The following AFDN variants were observed in gnomAD, a reference collection of about 807,000 sequenced individuals.
AFDN encodes the protein afadin.
AFDN carries 68 observed loss-of-function variants against 216.6 expected under a neutral mutation model. That is an observed-to-expected ratio of 0.31 (90% CI 0.26 to 0.38). The LOEUF is 0.38. AFDN is among the 10% of genes least tolerant of loss of function. The pLI is 1.00. For missense variants in AFDN, 2,136 were observed against 2,342.0 expected (o/e 0.91, Z 1.82); for synonymous variants, 868 against 853.7 (o/e 1.02, Z -0.29).
Position 167,948,473 on chromosome 6 carries a change from A to G in AFDN, c.3826A>G (p.Ile1276Val), listed in dbSNP as rs779058239. The G allele has an allele frequency of 1.3e-5, 21 of 1,613,360 alleles. No homozygotes were observed. Among genetic ancestry groups the G allele is most frequent in the Admixed American group, 3.3e-5 (2 of 59,964 alleles). ...HTDSNHSSIA[I>V]QRVTRSQEEL... Reference sequence around the variant, plus strand: ...AGATAGTAATCATTCCAGTATTGCAATTCAGGTTAGAAATCAAAGATTCCA... The same window carrying G: ...AGATAGTAATCATTCCAGTATTGCAGTTCAGGTTAGAAATCAAAGATTCCA... The change falls in exon 29 of 34, where the codon ATT becomes GTT. Residue 1276 changes from isoleucine (I) to valine (V), a missense_variant. Ile to Val is a conservative substitution (Grantham distance 29). Transcript: ENST00000683244.
Position 167,914,741 on chromosome 6 carries a change from T to C in AFDN, c.2299+3T>C. The C allele has an allele frequency of 6.3e-7, 1 of 1,594,400 alleles. No individual in the cohort carries two copies. The highest frequency in any genetic ancestry group is 8.6e-7 in the Non-Finnish European group (1 of 1,162,344). On this transcript the variant is annotated splice_donor_region_variant and intron_variant, in intron 18 of 33. Coordinates refer to ENST00000683244, the MANE Select transcript of AFDN (RefSeq NM_001386888.1). ...CAGTCTGCAACGACCAAAAATAGGTTAGGATGTTTTCTGACTGTCTCCCTC... is the reference window on the plus strand; with the variant it reads ...CAGTCTGCAACGACCAAAAATAGGTCAGGATGTTTTCTGACTGTCTCCCTC...
At chr6:167,881,828 A>G (rs1044278726) in intron 6 of AFDN, among the ~76,000 whole-genome samples, 1 of 152,224 alleles carries the variant, frequency 6.6e-6, no homozygotes, top group African/African-American at 2.4e-5. Flanking sequence ...TGGCTAGAAG[A>G]TTTATGGATC....
At chr6:167,870,295 T>C in intron 2 of AFDN, 91 bp from the exon 3 acceptor site, 3 of 732,806 alleles carry the variant, frequency 4.1e-6, no homozygotes, top group Non-Finnish European at 6.7e-6. Flanking sequence ...GCTTTGTCTA[T>C]AAAATTAAAT....
chr6:167,952,272 T>A, intron 30 of AFDN, 85 bp downstream of exon 30: 3 of 1,602,416 alleles, frequency 1.9e-6, no homozygotes, highest in Non-Finnish European at 2.6e-6. Flanking sequence ...GCTAGGCCCC[T>A]GATCGTGATA....
Position 167,969,777 on chromosome 6 carries a change from T to C in AFDN, c.5343-5T>C. ...AGTAATCTTTGATATTGCCCTCTTC[T>C]GCAGCCAAGATGCAGATTCACCTGG... On this transcript the variant is annotated splice_polypyrimidine_tract_variant and splice_region_variant and intron_variant, in intron 33 of 33. Coordinates refer to ENST00000683244, the MANE Select transcript of AFDN (RefSeq NM_001386888.1). The C allele has an allele frequency of 6.2e-7, 1 of 1,604,782 alleles. No homozygotes were observed. The highest frequency in any genetic ancestry group is 8.5e-7 in the Non-Finnish European group (1 of 1,177,684).
intron 30 of AFDN, among the ~76,000 whole-genome samples, chr6:167,952,800 C>T (rs1183273662): frequency 6.6e-6 from 1 of 152,234 alleles, no homozygotes; most frequent in African/African-American, 2.4e-5. Flanking sequence ...AGAATCTTCA[C>T]AGTAGTTGTA....
intron 12 of AFDN, among the ~76,000 whole-genome samples, chr6:167,903,909 C>T (rs1047500009): frequency 1.3e-5 from 2 of 152,186 alleles, no homozygotes; most frequent in Non-Finnish European, 2.9e-5. Flanking sequence ...GAGTTTTTAG[C>T]CAGGCCACAA....
chr6:167,856,814 C>CAT (rs1331185257), intron 1 of AFDN, among the ~76,000 whole-genome samples: 1 of 151,898 alleles, frequency 6.6e-6, no homozygotes, highest in Non-Finnish European at 1.5e-5. Context: ...GTTTTAGTGT[C>CAT]ATATATATAT....
At position 167,833,360 on chromosome 6, in the gene AFDN, A is replaced by G. The variant is rs566181733; in HGVS notation, c.105+6123A>G. On this transcript the variant is annotated intron_variant, in intron 1 of 33. Transcript: ENST00000683244. ...AGAATAGAAGAAAGGTTGACCCAAC[A>G]TTATGATCCGTGAAAAAAATGCTCA... Among the ~76,000 whole-genome samples the G allele has an allele frequency of 7.9e-5, 12 of 152,322 alleles. No individual in the cohort carries two copies. In the South Asian group the frequency reaches 2.5e-3, roughly 32 times the overall value.
chr6:167,928,377 A>T, intron 23 of AFDN, among the ~76,000 whole-genome samples: 1 of 152,214 alleles, frequency 6.6e-6, no homozygotes, highest in Non-Finnish European at 1.5e-5. Flanking sequence ...AGCCAGCTTG[A>T]AAGTCACACC....
At chr6:167,845,756 T>C (rs575649268) in intron 1 of AFDN, among the ~76,000 whole-genome samples, 3 of 152,222 alleles carry the variant, frequency 2.0e-5, no homozygotes, top group Admixed American at 6.5e-5. Flanking sequence ...TGAGCACTTA[T>C]TTTTTAAAAC....
chr6:167,875,006 T>C (rs1785192402), intron 4 of AFDN, among the ~76,000 whole-genome samples: 1 of 152,224 alleles, frequency 6.6e-6, no homozygotes, highest in Non-Finnish European at 1.5e-5. Context: ...TGGTAAAATA[T>C]TGGTCTGTTT....
rs377654668 is a variant in AFDN at position 167,948,493 on chromosome 6, A to T, written c.3831+15A>T. 2 of 1,609,772 alleles carry T rather than the reference A, an allele frequency of 1.2e-6. No homozygotes were observed. Among genetic ancestry groups the T allele is most frequent in the African/African-American group, 1.3e-5 (1 of 74,824 alleles). On this transcript the variant is annotated intron_variant, in intron 29 of 33. Transcript: ENST00000683244. The stretch of plus-strand genomic sequence containing the variant: ...TTGCAATTCAGGTTAGAAATCAAAG[A>T]TTCCACACACTTTTCTCACCTCTCA...
intron 1 of AFDN, among the ~76,000 whole-genome samples, chr6:167,842,228 A>T (rs970390676): frequency 6.6e-6 from 1 of 152,128 alleles, no homozygotes; most frequent in Non-Finnish European, 1.5e-5. Context: ...CTGTGGGACC[A>T]TAAAAGGCTT....
At chr6:167,860,150 A>T (rs1783380493) in intron 1 of AFDN, among the ~76,000 whole-genome samples, 1 of 142,788 alleles carries the variant, frequency 7.0e-6, no homozygotes, top group African/African-American at 2.6e-5. Flanking sequence ...TTAAGTACCT[A>T]CAGCAATGCT....
chr6:167,830,349 T>C (rs1341767554), intron 1 of AFDN, among the ~76,000 whole-genome samples: 1 of 152,210 alleles, frequency 6.6e-6, no homozygotes, highest in East Asian at 1.9e-4. Flanking sequence ...GAGTGTAGAA[T>C]TTTCTTGGAT....
intron 12 of AFDN, among the ~76,000 whole-genome samples, chr6:167,904,274 T>C (rs1170118708): frequency 6.6e-6 from 1 of 152,078 alleles, no homozygotes; most frequent in East Asian, 1.9e-4. Flanking sequence ...AGTGGCATGA[T>C]CTCGGCTCAC....
intron 1 of AFDN, among the ~76,000 whole-genome samples, chr6:167,838,902 C>G (rs1352698124): frequency 6.6e-6 from 1 of 152,232 alleles, no homozygotes; most frequent in Non-Finnish European, 1.5e-5. Context: ...AGACTACTCA[C>G]TCTGCTAGTG....
chr6:167,913,651 GTTTCTTCTCTTTA>G lies in AFDN; in HGVS notation c.2058+231_2058+243del, dbSNP rs1790687571. The G allele has an allele frequency of 5.5e-6, 3 of 543,650 alleles. No individual in the cohort carries two copies. The Admixed American group carries it at 1.1e-4, about 19-fold the overall frequency. The allele number at this position is 543,650 out of a possible 1,614,324, so 33.7% of individuals were successfully genotyped here. On this transcript the variant is annotated intron_variant, in intron 16 of 33. Transcript: ENST00000683244. ...GTGGATATGAAATGACAAAAGTTCTGTTTCTTCTCTTTATTATTTATCCTTGGTTCCTATTCTT... is the reference window on the plus strand; with the variant it reads ...GTGGATATGAAATGACAAAAGTTCTGTTATTTATCCTTGGTTCCTATTCTT...
Sources: allele counts gnomAD v4.1 joint callset (sites outside exome capture counted in the v4.1 genomes callset), GRCh38; gene constraint gnomAD v4.1.1; transcripts MANE v1.5; gene names NCBI Gene and HGNC (gene_info 2026-07-23, HGNC 2026-07-21).